Variants in OTUD7A observed in about 807,000 individuals in gnomAD.
The protein encoded by OTUD7A is OTU domain-containing protein 7A.
A neutral mutation model predicts 65.7 loss-of-function variants in OTUD7A; 12 were observed. The observed-to-expected ratio is 0.18, with a 90% CI of 0.12 to 0.30. The LOEUF (loss-of-function observed/expected upper bound fraction) is 0.30. OTUD7A is among the 10% of genes least tolerant of loss of function. The pLI, the probability that OTUD7A is intolerant of heterozygous loss-of-function variation, is 1.00. For missense variants in OTUD7A, 1,148 were observed against 1,304.8 expected (o/e 0.88, Z 1.85); for synonymous variants, 641 against 586.3 (o/e 1.09, Z -1.35).
At chr15:31,527,337 G>A in intron 6 of OTUD7A, 29 bp from the exon 7 acceptor site, 4 of 1,609,802 alleles carry the variant, frequency 2.5e-6, no homozygotes, top group Non-Finnish European at 2.5e-6. Context: ...GGAGAACAGA[G>A]GAGAGAAAGG....
chr15:31,563,297 C>T (rs751000504), intron 4 of OTUD7A, among the ~76,000 whole-genome samples: 3 of 152,184 alleles, frequency 2.0e-5, no homozygotes, highest in Non-Finnish European at 4.4e-5. Context: ...CAGCCTTAAC[C>T]GTGTGGTGTA....
intron 1 of OTUD7A, among the ~76,000 whole-genome samples, chr15:31,704,809 T>C (rs1268302076): frequency 6.6e-6 from 1 of 152,202 alleles, no homozygotes; most frequent in African/African-American, 2.4e-5. Flanking sequence ...TTCTGTAACA[T>C]TGACATGACT....
intron 1 of OTUD7A, among the ~76,000 whole-genome samples, chr15:31,769,699 A>G (rs1228059288): frequency 2.0e-5 from 3 of 152,254 alleles, no homozygotes; most frequent in East Asian, 3.8e-4. Flanking sequence ...GAGTGAAGGA[A>G]GCCAGTCCAA....
intron 3 of OTUD7A, among the ~76,000 whole-genome samples, chr15:31,614,463 T>A (rs1425506780): frequency 6.6e-6 from 1 of 152,050 alleles, no homozygotes; most frequent in African/African-American, 2.4e-5. Context: ...AAGGAAAATA[T>A]TTTAGAAACA....
chr15:31,675,085 T>C (rs1420835241), intron 1 of OTUD7A, among the ~76,000 whole-genome samples: 1 of 151,270 alleles, frequency 6.6e-6, no homozygotes, highest in African/African-American at 2.4e-5. Flanking sequence ...AGGTCTGAAC[T>C]AGAAAAGAGG....
At chr15:31,614,248 A>G (rs1007610980) in intron 3 of OTUD7A, among the ~76,000 whole-genome samples, 8 of 152,138 alleles carry the variant, frequency 5.3e-5, no homozygotes, top group African/African-American at 1.9e-4. Context: ...ATCACCACTA[A>G]AGAACTTACT....
intron 1 of OTUD7A, among the ~76,000 whole-genome samples, chr15:31,830,718 T>A (rs1352515771): frequency 6.6e-6 from 1 of 152,218 alleles, no homozygotes; most frequent in Non-Finnish European, 1.5e-5. Flanking sequence ...CAGAATCCAG[T>A]ATGAAGAGAC....
intron 3 of OTUD7A, among the ~76,000 whole-genome samples, chr15:31,594,132 A>T (rs11854539): frequency 0.021 from 3,133 of 152,314 alleles, 102 homozygotes; most frequent in African/African-American, 0.072. Flanking sequence ...CAACTGTCAA[A>T]ATGAATTCAG....
At chr15:31,612,756 A>C (rs1294306670) in intron 3 of OTUD7A, among the ~76,000 whole-genome samples, 1 of 152,218 alleles carries the variant, frequency 6.6e-6, no homozygotes, top group Non-Finnish European at 1.5e-5. Flanking sequence ...TTCCCATCAA[A>C]ATACCATCGT....
At chr15:31,546,748 G>C (rs1004229378) in intron 5 of OTUD7A, among the ~76,000 whole-genome samples, 1 of 152,214 alleles carries the variant, frequency 6.6e-6, no homozygotes, top group Non-Finnish European at 1.5e-5. Flanking sequence ...GAAGTTATTT[G>C]TAATACATGT....
chr15:31,503,865 G>A, intron 8 of OTUD7A, 47 bp from the exon 9 acceptor site: 2 of 1,609,908 alleles, frequency 1.2e-6, no homozygotes, highest in Non-Finnish European at 1.7e-6. Context: ...AAACAGGGTG[G>A]AGGATGGAGA....
intron 8 of OTUD7A, among the ~76,000 whole-genome samples, chr15:31,506,773 G>C (rs2041577103): frequency 6.6e-6 from 1 of 152,242 alleles, no homozygotes; most frequent in East Asian, 1.9e-4. Context: ...ATTTAGAAAA[G>C]GTGCAAGCTG....
At chr15:31,806,390 A>T (rs74010510) in intron 1 of OTUD7A, among the ~76,000 whole-genome samples, 6,075 of 152,318 alleles carry the variant, frequency 0.04, 381 homozygotes, top group African/African-American at 0.14. Flanking sequence ...CACATTTAAG[A>T]AGAGATCATC....
At chr15:31,758,443 T>A (rs1186549197) in intron 1 of OTUD7A, among the ~76,000 whole-genome samples, 1 of 151,884 alleles carries the variant, frequency 6.6e-6, no homozygotes, top group Non-Finnish European at 1.5e-5. Flanking sequence ...GCAGGTACGA[T>A]CACACAAACT....
intron 3 of OTUD7A, among the ~76,000 whole-genome samples, chr15:31,647,358 G>A (rs1288701670): frequency 1.3e-5 from 2 of 152,164 alleles, no homozygotes. Context: ...GCTCAAGACT[G>A]GGCAAATCCA....
chr15:31,687,890 T>C (rs946557837), intron 1 of OTUD7A, among the ~76,000 whole-genome samples: 10 of 152,172 alleles, frequency 6.6e-5, no homozygotes, highest in African/African-American at 1.9e-4. Flanking sequence ...GTTTGCCCCA[T>C]TGCTTACTAG....
At chr15:31,704,658 T>C (rs556272398) in intron 1 of OTUD7A, among the ~76,000 whole-genome samples, 31 of 151,934 alleles carry the variant, frequency 2.0e-4, no homozygotes, top group African/African-American at 7.2e-4. Context: ...TTCAGACATA[T>C]AATGTCCCCA....
In OTUD7A at chr15:31,483,232, C is replaced by T. The variant is rs1468052005; in HGVS notation, c.*62G>A. ...GGACCAGGGCATGTAAAAAAGACAC[C>T]GACACAATGGAAAAGAAATCCTCGA... On this transcript the variant is annotated 3_prime_UTR_variant, in exon 13 of 13. Coordinates refer to ENST00000307050, the MANE Select transcript of OTUD7A (RefSeq NM_001382637.1). The T allele has an allele frequency of 3.8e-6, 4 of 1,053,106 alleles. No homozygotes were observed. Among genetic ancestry groups the T allele is most frequent in the African/African-American group, 3.4e-5 (2 of 58,714 alleles). The allele number at this position is 1,053,106 out of a possible 1,614,324, so 65.2% of individuals were successfully genotyped here.
rs931670664 is a variant in OTUD7A at position 31,713,862 on chromosome 15, T to C, written c.-99-56785A>G. Among the ~76,000 whole-genome samples the C allele has an allele frequency of 3.3e-5, 5 of 151,326 alleles. No homozygotes were observed. The East Asian group carries it at 5.8e-4, about 18-fold the overall frequency. On this transcript the variant is annotated intron_variant, in intron 1 of 12. Transcript: ENST00000307050. ...TACATACACTTCACAAGATGACATC[T>C]GAATGGCCAAAAATCAATGAAAAGT...
Sources: gnomAD v4.1 joint callset for allele counts (sites outside exome capture counted in the v4.1 genomes callset) on GRCh38, gnomAD v4.1.1 for gene constraint, MANE v1.5 for transcripts, NCBI Gene and HGNC (gene_info 2026-07-23, HGNC 2026-07-21) for gene names.